The following TNIK variants were observed in gnomAD, a reference collection of about 807,000 sequenced individuals.
TNIK encodes the protein TRAF2 and NCK interacting kinase, also known as TRAF2 and NCK-interacting protein kinase.
TNIK carries 49 observed loss-of-function variants against 191.3 expected under a neutral mutation model. The ratio of observed to expected loss-of-function variants is 0.26; its 90% CI spans 0.20 to 0.32. The LOEUF (loss-of-function observed/expected upper bound fraction) is 0.32, where lower values mean the gene tolerates loss of function less well. Among genes scored for constraint, TNIK ranks in the 10% least tolerant of loss-of-function variants. The pLI is 1.00. For missense variants in TNIK, 1,155 were observed against 1,702.3 expected (o/e 0.68, Z 5.66); for synonymous variants, 594 against 600.9 (o/e 0.99, Z 0.17).
intron 2 of TNIK, among the ~76,000 whole-genome samples, chr3:171,320,710 C>G (rs1265786640): frequency 6.6e-6 from 1 of 152,212 alleles, no homozygotes; most frequent in African/African-American, 2.4e-5. Flanking sequence ...TACTAATAAT[C>G]CCATGTGGGC....
Position 171,289,880 on chromosome 3 carries a change from T to C in TNIK, c.124-61659A>G, listed in dbSNP as rs374918214. Among the ~76,000 whole-genome samples, 11 of 128,968 alleles carry C rather than the reference T, an allele frequency of 8.5e-5. No individual in the cohort carries two copies. The East Asian group carries it at 2.4e-3, about 28-fold the overall frequency. The allele number at this position is 128,968 out of a possible 152,430, so 84.6% of individuals were successfully genotyped here. A position where few individuals can be genotyped will look rare whatever the true frequency, so the allele number is the denominator to read the frequency against. ...TGGCGCCACTGCACTCCTGCCTGGG[T>C]GACAGGGCCAGACTCCGTCTCAAAA... On this transcript the variant is annotated intron_variant, in intron 2 of 32. Coordinates refer to ENST00000436636, the MANE Select transcript of TNIK (RefSeq NM_015028.4).
Position 171,113,998 on chromosome 3 carries a change from TAAA to T in TNIK, c.2121-3124_2121-3122del, listed in dbSNP as rs10576485. Among the ~76,000 whole-genome samples the T allele has an allele frequency of 6.1e-3, 854 of 139,422 alleles. 4 individuals carry two copies. Among genetic ancestry groups the T allele is most frequent in the South Asian group, 0.026 (116 of 4,380 alleles). The allele number at this position is 139,422 out of a possible 152,430, so 91.5% of individuals were successfully genotyped here. A position where few individuals can be genotyped will look rare whatever the true frequency, so the allele number is the denominator to read the frequency against. On this transcript the variant is annotated intron_variant, in intron 18 of 32. Coordinates refer to ENST00000436636, the MANE Select transcript of TNIK (RefSeq NM_015028.4). ...GCTGCTGAGGATTTTACGATTTTGT[TAAA>T]AAAAAAAAAAAAAAAAGCAGCATTC... is the stretch of plus-strand genomic sequence containing the variant.
At chr3:171,280,529 T>C (rs1055429284) in intron 2 of TNIK, among the ~76,000 whole-genome samples, 3 of 152,180 alleles carry the variant, frequency 2.0e-5, no homozygotes, top group African/African-American at 7.2e-5. Flanking sequence ...ACATACTATA[T>C]TGTTGGTCAA....
At chr3:171,072,215 C>A (rs1719276145) in intron 28 of TNIK, among the ~76,000 whole-genome samples, 1 of 152,138 alleles carries the variant, frequency 6.6e-6, no homozygotes. Context: ...GTACACATGG[C>A]AGTCAGTTTC....
At chr3:171,215,014 T>C (rs1414236337) in intron 3 of TNIK, among the ~76,000 whole-genome samples, 4 of 152,186 alleles carry the variant, frequency 2.6e-5, no homozygotes, top group African/African-American at 7.2e-5. Context: ...TCCATTTCTC[T>C]TCTCCTTGAA....
intron 2 of TNIK, among the ~76,000 whole-genome samples, chr3:171,257,138 A>G (rs1746977691): frequency 6.6e-6 from 1 of 152,222 alleles, no homozygotes; most frequent in African/African-American, 2.4e-5. Context: ...TCTCAAAAGA[A>G]GACTGCTCAC....
chr3:171,430,757 A>G (rs1725280264), intron 1 of TNIK, among the ~76,000 whole-genome samples: 1 of 152,086 alleles, frequency 6.6e-6, no homozygotes, highest in Non-Finnish European at 1.5e-5. Context: ...TTATTTAGTA[A>G]TAAATCATTT....
rs188972192 is a variant in TNIK, at chr3:171,128,853, C to T, written c.1634G>A (p.Arg545Gln). ...GTGAGGCATGGCAGGGGAACTTTGC[C>T]GGTTGAGCCTTGACCGTTCTTCTAC... is the stretch of plus-strand genomic sequence containing the variant. ...KEVEERSRLNRQSSPAMPHKV... is the reference protein window; with the variant it reads ...KEVEERSRLNQQSSPAMPHKV... The change falls in exon 16 of 33, where the codon CGG becomes CAG. Residue 545 changes from arginine (R) to glutamine (Q), a missense_variant. This residue lies in a region of TNIK where 735 missense variants were observed against 848.0 expected (regional missense o/e 0.87). Coordinates refer to ENST00000436636, the MANE Select transcript of TNIK (RefSeq NM_015028.4). 7.1e-5 allele frequency: 108 copies of T among 1,526,996 alleles called. No individual in the cohort carries two copies. Among genetic ancestry groups the T allele is most frequent in the Admixed American group, 2.0e-4 (10 of 49,238 alleles). The allele number at this position is 1,526,996 out of a possible 1,614,324, so 94.6% of individuals were successfully genotyped here. A position where few individuals can be genotyped will look rare whatever the true frequency, so the allele number is the denominator to read the frequency against.
At chr3:171,186,042 G>A (rs1276864158) in intron 7 of TNIK, among the ~76,000 whole-genome samples, 6 of 152,196 alleles carry the variant, frequency 3.9e-5, no homozygotes, top group African/African-American at 1.2e-4. Flanking sequence ...CTCGGGCTTT[G>A]ATGGGGTCTC....
intron 4 of TNIK, among the ~76,000 whole-genome samples, chr3:171,208,653 G>A (rs1412160203): frequency 3.3e-5 from 5 of 151,870 alleles, no homozygotes; most frequent in Non-Finnish European, 7.4e-5. Context: ...CGCCTCCCAA[G>A]TTCAAGCAAT....
chr3:171,143,125 G>T (rs1268828596), intron 12 of TNIK, among the ~76,000 whole-genome samples: 1 of 152,214 alleles, frequency 6.6e-6, no homozygotes, highest in African/African-American at 2.4e-5. Context: ...ATCTCACTCG[G>T]ATCAGCAGCC....
intron 17 of TNIK, among the ~76,000 whole-genome samples, chr3:171,124,749 A>G (rs1006004071): frequency 2.0e-5 from 3 of 152,330 alleles, no homozygotes; most frequent in African/African-American, 4.8e-5. Context: ...TTGTAGAGAC[A>G]GAAGAGCCTA....
intron 2 of TNIK, among the ~76,000 whole-genome samples, chr3:171,233,446 GTCTA>G (rs200789177): frequency 0.016 from 2,367 of 152,148 alleles, 21 homozygotes; most frequent in South Asian, 0.032. Context: ...CTGTCTGTCT[GTCTA>G]TCTATCTATC....
chr3:171,253,368 C>T (rs181373443), intron 2 of TNIK, among the ~76,000 whole-genome samples: 2 of 151,998 alleles, frequency 1.3e-5, no homozygotes, highest in East Asian at 1.9e-4. Flanking sequence ...CAGTGAGGTG[C>T]GAAAGGTCTC....
chr3:171,189,693 T>C (rs1737798624), intron 6 of TNIK, among the ~76,000 whole-genome samples: 1 of 152,214 alleles, frequency 6.6e-6, no homozygotes, highest in Non-Finnish European at 1.5e-5. Flanking sequence ...CTGATGTTTA[T>C]GAGAGATAAT....
At chr3:171,198,714 G>T (rs1223446787) in intron 4 of TNIK, among the ~76,000 whole-genome samples, 3 of 152,090 alleles carry the variant, frequency 2.0e-5, no homozygotes, top group Non-Finnish European at 2.9e-5. Flanking sequence ...GCCTATTTTT[G>T]TGTATTTTTA....
chr3:171,062,041 C>T lies in TNIK; in HGVS notation c.*1840G>A, dbSNP rs1289448705. On this transcript the variant is annotated 3_prime_UTR_variant, in exon 33 of 33. Coordinates refer to ENST00000436636, the MANE Select transcript of TNIK (RefSeq NM_015028.4). ...GTAATCCAGAAACTAGAATGTTTCC[C>T]CTTCTCTTCCCCATCTTGCCCAAAC... 2.0e-5 allele frequency: 3 copies of T among 152,144 alleles called. No homozygotes were observed. Among genetic ancestry groups the T allele is most frequent in the African/African-American group, 7.2e-5 (3 of 41,424 alleles). 9.4% of individuals were successfully genotyped at this position (152,144 alleles called of 1,614,324 possible).
chr3:171,338,659 G>GTTTTTTTTTTTTTT (rs76315440), intron 2 of TNIK, among the ~76,000 whole-genome samples: 1 of 126,818 alleles, frequency 7.9e-6, no homozygotes, highest in Non-Finnish European at 1.7e-5. Context: ...CAGCTAAGTT[G>GTTTTTTTTTTTTTT]TTTTTTTTTT....
At chr3:171,390,217 T>C (rs1257792375) in intron 1 of TNIK, among the ~76,000 whole-genome samples, 2 of 152,180 alleles carry the variant, frequency 1.3e-5, no homozygotes, top group Admixed American at 6.5e-5. Context: ...AAAGTGCAAG[T>C]GCATGATCAG....
Sources: gnomAD v4.1 joint callset for allele counts (sites outside exome capture counted in the v4.1 genomes callset) on GRCh38, gnomAD v4.1.1 for gene constraint, gnomAD v4.1.1 regional missense constraint, MANE v1.5 for transcripts, NCBI Gene and HGNC (gene_info 2026-07-23, HGNC 2026-07-21) for gene names.